Variants in FHIT observed in about 807,000 individuals in gnomAD.
The protein encoded by FHIT is fragile histidine triad diadenosine triphosphatase.
Under a neutral mutation model 17.9 loss-of-function variants are expected in FHIT, and 19 were observed. The ratio of observed to expected loss-of-function variants is 1.06; its 90% CI spans 0.74 to 1.56. The LOEUF is 1.56. Among genes scored for constraint, FHIT ranks in the 40% most tolerant of loss-of-function variants. The pLI is 0.00. For missense variants in FHIT, 248 were observed against 189.2 expected (o/e 1.31, Z -1.82); for synonymous variants, 81 against 69.7 (o/e 1.16, Z -0.81).
chr3:61,206,304 C>G (rs2039228086), intron 1 of FHIT, among the ~76,000 whole-genome samples: 1 of 131,372 alleles, frequency 7.6e-6, no homozygotes, highest in Admixed American at 8.6e-5. Flanking sequence ...GATGCAGGCT[C>G]TTTTTTGGTT....
chr3:61,112,662 T>C (rs2036193292), intron 2 of FHIT, among the ~76,000 whole-genome samples: 1 of 152,174 alleles, frequency 6.6e-6, no homozygotes, highest in Admixed American at 6.5e-5. Context: ...GCTGCTAAAT[T>C]GCACACAGGC....
At chr3:60,850,313 G>A (rs1285902810) in intron 3 of FHIT, among the ~76,000 whole-genome samples, 1 of 147,446 alleles carries the variant, frequency 6.8e-6, no homozygotes, top group Non-Finnish European at 1.5e-5. Context: ...TAGGGCCTTT[G>A]TGTCTGCACT....
At chr3:60,652,392 G>A (rs1360878815) in intron 4 of FHIT, among the ~76,000 whole-genome samples, 1 of 151,952 alleles carries the variant, frequency 6.6e-6, no homozygotes, top group African/African-American at 2.4e-5. Context: ...ACTTGAGGTT[G>A]GGAGTTCGAG....
rs114284496 is a variant in FHIT, at chr3:61,179,531, G to A, written c.-164+21086C>T. Among the ~76,000 whole-genome samples the A allele has an allele frequency of 1.7e-3, 256 of 151,704 alleles. 3 individuals are homozygous for A. The Middle Eastern group carries it at 0.017, about 10-fold the overall frequency. ...CAAGACCAGCCTGGGCAACAATAAT[G>A]AGACTCTGTCTCTTATAAAAAACTA... On this transcript the variant is annotated intron_variant, in intron 2 of 9. Transcript: ENST00000492590.
At chr3:60,056,840 A>G (rs1702103489) in intron 5 of FHIT, among the ~76,000 whole-genome samples, 2 of 152,222 alleles carry the variant, frequency 1.3e-5, no homozygotes, top group Non-Finnish European at 2.9e-5. Flanking sequence ...GAGCAGACAG[A>G]AAAACATGTT....
chr3:60,661,192 C>T (rs1203194982), intron 4 of FHIT, among the ~76,000 whole-genome samples: 2 of 152,120 alleles, frequency 1.3e-5, no homozygotes, highest in Middle Eastern at 3.2e-3. Flanking sequence ...TGTCGTCTCT[C>T]ATCCTTCACC....
chr3:60,953,765 C>T (rs1393228067), intron 3 of FHIT, among the ~76,000 whole-genome samples: 2 of 152,098 alleles, frequency 1.3e-5, no homozygotes, highest in African/African-American at 2.4e-5. Context: ...GTCCAAGTAG[C>T]CCCATCCAGA....
intron 4 of FHIT, among the ~76,000 whole-genome samples, chr3:60,810,612 C>A (rs577523246): frequency 1.3e-5 from 2 of 152,302 alleles, no homozygotes; most frequent in African/African-American, 4.8e-5. Flanking sequence ...AACATTCCAA[C>A]TGTATTGGCA....
At chr3:60,121,709 A>AAACAAAAACACACAC (rs1553690214) in intron 5 of FHIT, among the ~76,000 whole-genome samples, 15 of 116,416 alleles carry the variant, frequency 1.3e-4, no homozygotes, top group South Asian at 7.9e-4. Flanking sequence ...AAACAAAACA[A>AAACAAAAACACACAC]ACACACACAC....
chr3:60,189,265 G>C (rs925184094), intron 5 of FHIT, among the ~76,000 whole-genome samples: 2 of 152,018 alleles, frequency 1.3e-5, no homozygotes, highest in Non-Finnish European at 2.9e-5. Flanking sequence ...AGAAAGAAAA[G>C]AAAAGCTTGT....
intron 5 of FHIT, among the ~76,000 whole-genome samples, chr3:60,130,541 C>G (rs1459386462): frequency 6.6e-6 from 1 of 152,098 alleles, no homozygotes; most frequent in African/African-American, 2.4e-5. Context: ...GATTCTGCAT[C>G]ACATGCTCAT....
At chr3:59,780,080 T>TC (rs1449827344) in intron 8 of FHIT, among the ~76,000 whole-genome samples, 1 of 152,156 alleles carries the variant, frequency 6.6e-6, no homozygotes, top group Non-Finnish European at 1.5e-5. Flanking sequence ...TATCTATGGG[T>TC]CCCTGTGTGT....
In FHIT at chr3:60,149,001, G is replaced by C. The variant is rs367881999; in HGVS notation, c.104-134849C>G. The stretch of plus-strand genomic sequence containing the variant: ...ATGCCTCCTTCCACCATCAAGAGGA[G>C]GTTCCCTACGGTCTGGTAGTATTTC... On this transcript the variant is annotated intron_variant, in intron 5 of 9. Transcript: ENST00000492590. Among the ~76,000 whole-genome samples, 17 of 152,256 alleles carry C rather than the reference G, an allele frequency of 1.1e-4. No homozygotes were observed. In the South Asian group the frequency reaches 2.5e-3, roughly 22 times the overall value.
At chr3:60,442,753 C>T (rs564727533) in intron 5 of FHIT, among the ~76,000 whole-genome samples, 17 of 152,218 alleles carry the variant, frequency 1.1e-4, no homozygotes, top group Middle Eastern at 6.8e-3. Context: ...CTTGGCAATG[C>T]GGGCTCTTTT....
chr3:60,786,483 C>A (rs115615847), intron 4 of FHIT, among the ~76,000 whole-genome samples: 2 of 152,174 alleles, frequency 1.3e-5, no homozygotes, highest in Admixed American at 1.3e-4. Context: ...CTTAGCAATA[C>A]CTGTCCTCAA....
At chr3:59,858,776 T>C (rs116376744) in intron 8 of FHIT, among the ~76,000 whole-genome samples, 2,328 of 152,102 alleles carry the variant, frequency 0.015, 64 homozygotes, top group African/African-American at 0.053. Context: ...ATATTAAGGA[T>C]AATGGGAACC....
chr3:60,860,486 T>C (rs1703680198), intron 3 of FHIT, among the ~76,000 whole-genome samples: 1 of 130,086 alleles, frequency 7.7e-6, no homozygotes, highest in South Asian at 2.3e-4. Flanking sequence ...ATGATACATA[T>C]GTATCATATA....
intron 4 of FHIT, among the ~76,000 whole-genome samples, chr3:60,745,981 C>T (rs781912931): frequency 2.5e-4 from 38 of 152,262 alleles, no homozygotes; most frequent in African/African-American, 6.5e-4. Context: ...AGAAAATGCT[C>T]ACCATTCAGC....
At chr3:59,885,499 T>C (rs1333692991) in intron 8 of FHIT, among the ~76,000 whole-genome samples, 1 of 151,834 alleles carries the variant, frequency 6.6e-6, no homozygotes, top group Admixed American at 6.6e-5. Context: ...CAAGCTATTC[T>C]GAGAATTCAT....
Sources: gnomAD v4.1 joint callset for allele counts (sites outside exome capture counted in the v4.1 genomes callset) on GRCh38, gnomAD v4.1.1 for gene constraint, MANE v1.5 for transcripts, NCBI Gene and HGNC (gene_info 2026-07-23, HGNC 2026-07-21) for gene names.